The following IGSF21 variants were observed in gnomAD, a reference collection of about 807,000 sequenced individuals.
IGSF21 encodes the protein immunoglobulin superfamily member 21.
In IGSF21, 28 loss-of-function variants were observed where a neutral mutation model predicts 46.8. The observed-to-expected ratio is 0.60, with a 90% CI of 0.44 to 0.82. IGSF21 has a LOEUF of 0.82. Ranked by LOEUF, IGSF21 falls within the 40% of genes least tolerant of loss-of-function variation. The probability of loss-of-function intolerance (pLI) is 0.00; values close to 1 mark genes in which losing one functional copy is unlikely to be tolerated. For synonymous variants in IGSF21, 284 were observed against 273.6 expected (o/e 1.04, Z -0.38); for missense variants, 624 against 665.5 (o/e 0.94, Z 0.69).
intron 2 of IGSF21, among the ~76,000 whole-genome samples, chr1:18,256,030 C>CATT (rs1366465698): frequency 6.6e-6 from 1 of 152,210 alleles, no homozygotes; most frequent in African/African-American, 2.4e-5. Context: ...TCCTACAAAG[C>CATT]ATTACAGAAT....
At chr1:18,358,361 C>T (rs928599932) in intron 4 of IGSF21, among the ~76,000 whole-genome samples, 3 of 152,138 alleles carry the variant, frequency 2.0e-5, no homozygotes, top group Non-Finnish European at 4.4e-5. Context: ...ATTTATTAAA[C>T]CCAATATATC....
intron 3 of IGSF21, among the ~76,000 whole-genome samples, chr1:18,318,138 G>T (rs2085561683): frequency 6.6e-6 from 1 of 152,326 alleles, no homozygotes; most frequent in South Asian, 2.1e-4. Context: ...AACCAGGATT[G>T]TGGGCCACAC....
At chr1:18,236,065 T>C (rs2084670099) in intron 2 of IGSF21, among the ~76,000 whole-genome samples, 1 of 152,150 alleles carries the variant, frequency 6.6e-6, no homozygotes, top group Admixed American at 6.5e-5. Flanking sequence ...TGCTATTTAA[T>C]GAGACAGGGA....
At chr1:18,230,446 G>A (rs2084613431) in intron 2 of IGSF21, among the ~76,000 whole-genome samples, 1 of 152,178 alleles carries the variant, frequency 6.6e-6, no homozygotes, top group Non-Finnish European at 1.5e-5. Context: ...TCCTTTGACT[G>A]AGGGCCTCTG....
intron 6 of IGSF21, among the ~76,000 whole-genome samples, chr1:18,371,608 T>G (rs11584759): frequency 0.022 from 3,325 of 151,006 alleles, 124 homozygotes; most frequent in African/African-American, 0.077. Context: ...AGAAGCCAGA[T>G]GACAGAGTAC....
chr1:18,164,856 G>A (rs1393999000), intron 1 of IGSF21, among the ~76,000 whole-genome samples: 1 of 150,568 alleles, frequency 6.6e-6, no homozygotes, highest in Non-Finnish European at 1.5e-5. Context: ...TTTACATTAG[G>A]TATATTTCCT....
chr1:18,285,239 G>A (rs2085201627), intron 2 of IGSF21, among the ~76,000 whole-genome samples: 1 of 151,718 alleles, frequency 6.6e-6, no homozygotes, highest in Admixed American at 6.6e-5. Context: ...ACATTGGTGA[G>A]GCAGCCGAAG....
At chr1:18,168,099 C>A (rs943186274) in intron 1 of IGSF21, among the ~76,000 whole-genome samples, 1 of 151,836 alleles carries the variant, frequency 6.6e-6, no homozygotes, top group Non-Finnish European at 1.5e-5. Context: ...GCAGGACCAC[C>A]CTGCTGCCTT....
chr1:18,306,892 AGGC>A (rs908093039), intron 3 of IGSF21, among the ~76,000 whole-genome samples: 5 of 152,230 alleles, frequency 3.3e-5, no homozygotes, highest in African/African-American at 1.2e-4. Context: ...GCAATAGACC[AGGC>A]CCCAGGGTGA....
At chr1:18,304,831 T>C (rs1385593898) in intron 3 of IGSF21, among the ~76,000 whole-genome samples, 1 of 152,234 alleles carries the variant, frequency 6.6e-6, no homozygotes, top group Non-Finnish European at 1.5e-5. Context: ...TTATTGCTGG[T>C]ATTTAAAAAA....
intron 1 of IGSF21, among the ~76,000 whole-genome samples, chr1:18,151,354 T>G (rs1275019211): frequency 2.0e-5 from 3 of 152,238 alleles, no homozygotes; most frequent in African/African-American, 7.2e-5. Flanking sequence ...AGGCAATGGT[T>G]CTGGGGGCCC....
At chr1:18,259,010 G>T (rs1307428180) in intron 2 of IGSF21, among the ~76,000 whole-genome samples, 1 of 152,130 alleles carries the variant, frequency 6.6e-6, no homozygotes, top group Non-Finnish European at 1.5e-5. Context: ...CCTCTGCTGG[G>T]GCCCTTTTGA....
chr1:18,145,015 T>A (rs1557555863), intron 1 of IGSF21, among the ~76,000 whole-genome samples: 2 of 152,138 alleles, frequency 1.3e-5, no homozygotes, highest in African/African-American at 4.8e-5. Context: ...AAGATAACTT[T>A]TTTTATTATT....
chr1:18,304,537 G>T (rs757712225), intron 3 of IGSF21, among the ~76,000 whole-genome samples: 10 of 152,144 alleles, frequency 6.6e-5, no homozygotes, highest in African/African-American at 9.7e-5. Context: ...GCCAGCCGCA[G>T]AATCAAAAGT....
At chr1:18,333,366 C>T (rs2085734414) in intron 3 of IGSF21, among the ~76,000 whole-genome samples, 1 of 152,212 alleles carries the variant, frequency 6.6e-6, no homozygotes, top group Non-Finnish European at 1.5e-5. Context: ...GGCCAAGGCT[C>T]CTTCCCATCC....
intron 1 of IGSF21, chr1:18,110,855 T>C (rs1200361739): frequency 3.3e-5 from 5 of 152,594 alleles, no homozygotes; most frequent in South Asian, 2.1e-4. Context: ...GAGTGGTCCT[T>C]AGCCGCTGTT....
At chr1:18,283,309 C>T (rs1303637623) in intron 2 of IGSF21, among the ~76,000 whole-genome samples, 1 of 152,242 alleles carries the variant, frequency 6.6e-6, no homozygotes, top group African/African-American at 2.4e-5. Flanking sequence ...CCGGGGCCCA[C>T]AAGGGAGAGC....
intron 1 of IGSF21, among the ~76,000 whole-genome samples, chr1:18,131,353 G>A (rs1215923367): frequency 6.6e-6 from 1 of 152,174 alleles, no homozygotes; most frequent in Admixed American, 6.5e-5. Flanking sequence ...CCAGCTAGGA[G>A]CACACTGTCA....
chr1:18,351,307 G>T (rs2085951395), intron 4 of IGSF21, among the ~76,000 whole-genome samples: 1 of 152,006 alleles, frequency 6.6e-6, no homozygotes, highest in Non-Finnish European at 1.5e-5. Context: ...CATTCTATGG[G>T]TGGGGGGGTA....
Sources: gnomAD v4.1 joint callset for allele counts (sites outside exome capture counted in the v4.1 genomes callset) on GRCh38, gnomAD v4.1.1 for gene constraint, MANE v1.5 for transcripts, NCBI Gene and HGNC (gene_info 2026-07-23, HGNC 2026-07-21) for gene names.